The following SEC63 variants were observed in gnomAD, a reference collection of about 807,000 sequenced individuals.
SEC63 encodes SEC63 protein translocation regulator.
SEC63 carries 56 observed loss-of-function variants against 116.2 expected under a neutral mutation model. That is an observed-to-expected ratio of 0.48 (90% CI 0.39 to 0.60). The LOEUF is 0.60. Among genes scored for constraint, SEC63 ranks in the 20% least tolerant of loss-of-function variants. The pLI is 0.00. For synonymous variants in SEC63, 273 were observed against 294.6 expected (o/e 0.93, Z 0.75); for missense variants, 668 against 900.0 (o/e 0.74, Z 3.30).
chr6:107,953,901 C>G (rs1276249507), intron 1 of SEC63, among the ~76,000 whole-genome samples: 4 of 149,184 alleles, frequency 2.7e-5, no homozygotes, highest in Non-Finnish European at 6.0e-5. Context: ...GGGCGCCTCT[C>G]CTCAGCCGCC....
rs550478845 is a variant in SEC63, at chr6:107,869,618, C to G, written c.*2086G>C. 52 of 152,246 alleles carry G rather than the reference C, an allele frequency of 3.4e-4. No individual in the cohort carries two copies. The highest frequency in any genetic ancestry group is 5.9e-4 in the Non-Finnish European group (40 of 68,014). 9.4% of individuals were successfully genotyped at this position (152,246 alleles called of 1,614,324 possible). A position where few individuals can be genotyped will look rare whatever the true frequency, so the allele number is the denominator to read the frequency against. ...GACTTGCTGGAGAGAGAAGAACTAT[C>G]AACTGAAGGCTCAGTTCTTTCACTA... On this transcript the variant is annotated 3_prime_UTR_variant, in exon 21 of 21. Transcript: ENST00000369002.
intron 4 of SEC63, among the ~76,000 whole-genome samples, chr6:107,916,000 C>T (rs986275769): frequency 1.3e-5 from 2 of 152,032 alleles, no homozygotes; most frequent in African/African-American, 2.4e-5. Flanking sequence ...AAACTAAACA[C>T]CTTATATTAT....
chr6:107,924,514 C>T (rs1009988599), intron 3 of SEC63, among the ~76,000 whole-genome samples: 6 of 151,650 alleles, frequency 4.0e-5, no homozygotes, highest in Admixed American at 1.3e-4. Context: ...TGCAGTGAGC[C>T]GAGATCACAC....
At chr6:107,913,231 A>G in intron 5 of SEC63, 135 bp downstream of exon 5, 2 of 678,024 alleles carry the variant, frequency 2.9e-6, no homozygotes, top group South Asian at 3.7e-5. Context: ...AAAATTAATG[A>G]GAGCTCAATT....
rs2114379620 is a variant in SEC63, at chr6:107,868,839, A to C, written c.*2865T>G. Reference sequence around the variant, plus strand: ...AGCCTGGCACATAGAAACTCAGTAAATATGTGATGAATGACAACCTCTCAA... The same window carrying C: ...AGCCTGGCACATAGAAACTCAGTAACTATGTGATGAATGACAACCTCTCAA... On this transcript the variant is annotated 3_prime_UTR_variant, in exon 21 of 21. Transcript: ENST00000369002. 1 of 152,312 alleles carries C rather than the reference A, an allele frequency of 6.6e-6. No individual in the cohort carries two copies. Among genetic ancestry groups the C allele is most frequent in the Non-Finnish European group, 1.5e-5 (1 of 68,024 alleles). 9.4% of individuals were successfully genotyped at this position (152,312 alleles called of 1,614,324 possible). A position where few individuals can be genotyped will look rare whatever the true frequency, so the allele number is the denominator to read the frequency against.
intron 18 of SEC63, among the ~76,000 whole-genome samples, chr6:107,878,927 T>C (rs933701323): frequency 8.5e-6 from 1 of 117,880 alleles, no homozygotes; most frequent in Admixed American, 9.3e-5. Context: ...TGCCTAGTGA[T>C]GCACATGTTA....
chr6:107,913,709 C>T (rs545296685), intron 4 of SEC63, among the ~76,000 whole-genome samples: 1 of 152,242 alleles, frequency 6.6e-6, no homozygotes, highest in Admixed American at 6.5e-5. Flanking sequence ...CTCAGTTCAA[C>T]CAGATCAAAC....
At chr6:107,949,507 G>A (rs1377900446) in intron 1 of SEC63, among the ~76,000 whole-genome samples, 1 of 151,920 alleles carries the variant, frequency 6.6e-6, no homozygotes, top group African/African-American at 2.4e-5. Context: ...ATTAGAAAAT[G>A]CAAAGAAATG....
chr6:107,946,243 A>G (rs1562340764), intron 1 of SEC63, among the ~76,000 whole-genome samples: 1 of 139,116 alleles, frequency 7.2e-6, no homozygotes, highest in Non-Finnish European at 1.6e-5. Context: ...CCTATTTTTT[A>G]TTTTTTTAGA....
chr6:107,899,655 G>A (rs772340554), intron 13 of SEC63, among the ~76,000 whole-genome samples: 39 of 152,024 alleles, frequency 2.6e-4, no homozygotes, highest in Non-Finnish European at 5.1e-4. Context: ...AGAGTTGGAG[G>A]TTGCAGTAAG....
intron 16 of SEC63, among the ~76,000 whole-genome samples, chr6:107,889,747 T>G (rs1252656437): frequency 1.3e-5 from 2 of 152,234 alleles, no homozygotes; most frequent in South Asian, 4.1e-4. Flanking sequence ...TACACACTGC[T>G]TCAAATGTGT....
chr6:107,890,903 C>T (rs1414168967), intron 16 of SEC63, among the ~76,000 whole-genome samples: 2 of 152,236 alleles, frequency 1.3e-5, no homozygotes, highest in Non-Finnish European at 2.9e-5. Flanking sequence ...AGGCCCCACT[C>T]TCTTCTGGCT....
rs1787640004 is a variant in SEC63, at chr6:107,924,845, A to G, written c.312T>C (p.Asn104=). The change falls in exon 3 of 21, where the codon AAT becomes AAC. Residue 104 remains asparagine, a synonymous_variant. Transcript: ENST00000369002. ...GATCCAAATTTAATACTTCATAAGG[A>G]TTGTATTCTTGGTATTCTCGGTCTG... ...SKTDREYQEY[N]PYEVLNLDPG... is the part of the protein sequence containing the mutation. 4 of 1,565,396 alleles carry G rather than the reference A, an allele frequency of 2.6e-6. No individual in the cohort carries two copies. The Admixed American group carries it at 5.0e-5, about 20-fold the overall frequency.
intron 2 of SEC63, among the ~76,000 whole-genome samples, chr6:107,926,607 A>T (rs1787682474): frequency 6.6e-6 from 1 of 152,166 alleles, no homozygotes. Context: ...TATGCTAAAA[A>T]CAAAACAAAA....
chr6:107,923,149 A>G (rs1470351138), intron 3 of SEC63, among the ~76,000 whole-genome samples: 1 of 152,194 alleles, frequency 6.6e-6, no homozygotes, highest in African/African-American at 2.4e-5. Flanking sequence ...GATAAACACA[A>G]AAGATTTTTT....
chr6:107,889,442 C>A (rs1257517097), intron 16 of SEC63, among the ~76,000 whole-genome samples: 5 of 152,088 alleles, frequency 3.3e-5, no homozygotes, highest in African/African-American at 1.2e-4. Context: ...GTGACATCCC[C>A]TTTATCTTTT....
chr6:107,905,100 GAGA>G (rs942032950), intron 10 of SEC63, among the ~76,000 whole-genome samples: 8 of 152,164 alleles, frequency 5.3e-5, no homozygotes, highest in African/African-American at 1.9e-4. Context: ...AGACGTAGAA[GAGA>G]AGAAGAGGGC....
At chr6:107,911,286 C>A in intron 7 of SEC63, 60 bp downstream of exon 7, 1 of 1,128,812 alleles carries the variant, frequency 8.9e-7, no homozygotes, top group Non-Finnish European at 1.3e-6. Flanking sequence ...TATAGGGAGA[C>A]TCCAAAACAT....
At chr6:107,933,000 T>C (rs1787846948) in intron 1 of SEC63, among the ~76,000 whole-genome samples, 1 of 152,064 alleles carries the variant, frequency 6.6e-6, no homozygotes, top group Non-Finnish European at 1.5e-5. Context: ...ACTTTACAGA[T>C]ATGACTAAGT....
Sources: gnomAD v4.1 joint callset for allele counts (sites outside exome capture counted in the v4.1 genomes callset) on GRCh38, gnomAD v4.1.1 for gene constraint, MANE v1.5 for transcripts, NCBI Gene and HGNC (gene_info 2026-07-23, HGNC 2026-07-21) for gene names.